The following SAP30BP variants were observed in gnomAD, a reference collection of about 807,000 sequenced individuals.
SAP30BP encodes SAP30-binding protein.
SAP30BP carries 31 observed loss-of-function variants against 46.3 expected under a neutral mutation model. The observed-to-expected ratio is 0.67, with a 90% CI of 0.50 to 0.90. SAP30BP has a LOEUF of 0.90. Among genes scored for constraint, SAP30BP ranks in the 40% least tolerant of loss-of-function variants. SAP30BP has a pLI of 0.00. For missense variants in SAP30BP, 312 were observed against 391.0 expected, an observed-to-expected ratio of 0.80 and a Z score of 1.70; for synonymous variants, 169 against 144.2, an observed-to-expected ratio of 1.17 and a Z score of -1.23.
intron 4 of SAP30BP, among the ~76,000 whole-genome samples, chr17:75,697,904 G>C (rs1291697497): frequency 6.6e-6 from 1 of 152,216 alleles, no homozygotes; most frequent in Non-Finnish European, 1.5e-5. Context: ...CTGGCTGTGC[G>C]AAGCCAGCCG....
At chr17:75,699,281 G>A (rs2060369464) in intron 4 of SAP30BP, among the ~76,000 whole-genome samples, 1 of 152,096 alleles carries the variant, frequency 6.6e-6, no homozygotes, top group Non-Finnish European at 1.5e-5. Context: ...TTGGCTCACT[G>A]CAGCCACCAC....
At chr17:75,699,566 CTTT>C (rs1307107203) in intron 4 of SAP30BP, among the ~76,000 whole-genome samples, 2 of 151,714 alleles carry the variant, frequency 1.3e-5, no homozygotes, top group African/African-American at 4.8e-5. Context: ...TCTGCCTGAA[CTTT>C]TCTTCTCCCA....
intron 3 of SAP30BP, 75 bp from the exon 4 acceptor site, chr17:75,693,365 C>G (rs1417389528): frequency 7.8e-7 from 1 of 1,281,056 alleles, no homozygotes; most frequent in Non-Finnish European, 1.1e-6. Flanking sequence ...CTTAAAAATC[C>G]TGAGTGGTCT....
In SAP30BP at chr17:75,690,836, C is replaced by T. The variant is rs555248379; in HGVS notation, c.265-2604C>T. The T allele has an allele frequency of 5.9e-5, 26 of 442,246 alleles. 1 individual carries two copies. The highest frequency in any genetic ancestry group is 3.7e-4 in the South Asian group (23 of 62,608). The allele number at this position is 442,246 out of a possible 1,614,324, so 27.4% of individuals were successfully genotyped here. On this transcript the variant is annotated intron_variant, in intron 3 of 10. Transcript: ENST00000584667. ...CAGAGCCTTGTAGGTCCCAAGGGTG[C>T]CTATGACACCAATGGGAATCTGAAC...
At chr17:75,697,414 G>C (rs2060339171) in intron 4 of SAP30BP, among the ~76,000 whole-genome samples, 1 of 152,196 alleles carries the variant, frequency 6.6e-6, no homozygotes, top group South Asian at 2.1e-4. Flanking sequence ...GAGGAAGTTA[G>C]AGGAGACTTG....
intron 5 of SAP30BP, 189 bp downstream of exon 5, chr17:75,700,060 T>C (rs1338744547): frequency 2.2e-6 from 1 of 462,794 alleles, no homozygotes; most frequent in African/African-American, 2.0e-5. Flanking sequence ...AGTTGGCTCC[T>C]ACACCCACCG....
At chr17:75,671,931 G>T in intron 3 of SAP30BP, 68 bp downstream of exon 3, 1 of 1,238,064 alleles carries the variant, frequency 8.1e-7, no homozygotes, top group Admixed American at 1.7e-5. Flanking sequence ...GGCTCAGTTC[G>T]TATGTTTGGT....
chr17:75,687,319 G>A (rs540507454), intron 3 of SAP30BP, among the ~76,000 whole-genome samples: 5 of 152,038 alleles, frequency 3.3e-5, no homozygotes, highest in East Asian at 1.9e-4. Flanking sequence ...CCCAGTGTTC[G>A]GAAAGAGGAT....
At chr17:75,674,686 G>GTTTTTTTTTTTTTTTTT (rs1555718004) in intron 3 of SAP30BP, among the ~76,000 whole-genome samples, 1 of 57,016 alleles carries the variant, frequency 1.8e-5, no homozygotes, top group African/African-American at 6.8e-5. Flanking sequence ...AAGTTTTTTT[G>GTTTTTTTTTTTTTTTTT]TTTGTTTTTT....
intron 7 of SAP30BP, 185 bp from the exon 8 acceptor site, chr17:75,703,623 G>C (rs767246161): frequency 4.6e-6 from 3 of 656,686 alleles, no homozygotes; most frequent in Non-Finnish European, 8.2e-6. Context: ...GGGTTCGCTG[G>C]ATGGGGGCTT....
chr17:75,703,902 C>G, intron 8 of SAP30BP, 43 bp downstream of exon 8: 1 of 1,384,382 alleles, frequency 7.2e-7, no homozygotes. Flanking sequence ...TCCGCCCACC[C>G]GACTGTCCCT....
At chr17:75,678,739 A>G (rs973034759) in intron 3 of SAP30BP, among the ~76,000 whole-genome samples, 2 of 152,272 alleles carry the variant, frequency 1.3e-5, no homozygotes, top group African/African-American at 4.8e-5. Flanking sequence ...AGGGGACTCA[A>G]AAGCACATCA....
intron 4 of SAP30BP, among the ~76,000 whole-genome samples, chr17:75,698,203 G>A (rs1170887960): frequency 1.3e-5 from 2 of 152,236 alleles, no homozygotes; most frequent in Admixed American, 6.5e-5. Context: ...CCGGACAGTG[G>A]CAGATCTCTA....
intron 3 of SAP30BP, among the ~76,000 whole-genome samples, chr17:75,689,484 G>A (rs926717668): frequency 6.6e-6 from 1 of 152,114 alleles, no homozygotes; most frequent in Admixed American, 6.6e-5. Context: ...TCCTAGGTGA[G>A]GTGCTTTGTT....
At position 75,707,950 on chromosome 17, in the gene SAP30BP, C is replaced by G. The variant is rs2060522892; in HGVS notation, c.*1429C>G. 6.6e-6 allele frequency: 1 copy of G among 152,216 alleles called. No individual in the cohort carries two copies. The highest frequency in any genetic ancestry group is 2.4e-5 in the African/African-American group (1 of 41,448). The allele number at this position is 152,216 out of a possible 1,614,324, so 9.4% of individuals were successfully genotyped here. On this transcript the variant is annotated 3_prime_UTR_variant, in exon 11 of 11. Transcript: ENST00000584667. ...TTGAGTGGTCTCAAGCCCTTAACCTCTGTAAGCCTGTTTCTTCTCTGAAAT... is the reference window on the plus strand; with the variant it reads ...TTGAGTGGTCTCAAGCCCTTAACCTGTGTAAGCCTGTTTCTTCTCTGAAAT...
At chr17:75,698,534 C>G (rs1051793279) in intron 4 of SAP30BP, among the ~76,000 whole-genome samples, 1 of 151,236 alleles carries the variant, frequency 6.6e-6, no homozygotes, top group East Asian at 1.9e-4. Flanking sequence ...GGTTTACAGA[C>G]ATATGCAGTG....
At chr17:75,685,985 C>T (rs1481867722) in intron 3 of SAP30BP, among the ~76,000 whole-genome samples, 4 of 152,184 alleles carry the variant, frequency 2.6e-5, no homozygotes, top group Admixed American at 2.6e-4. Context: ...TAACAAAAGT[C>T]CCCCTTGGAA....
rs757001487 is a variant in SAP30BP at position 75,702,584 on chromosome 17, T to C, written c.488+13T>C. Reference sequence around the variant, plus strand: ...TTCGGAACCCTAGGTAAGTTTCCCTTGAGCCTGCAGAGTTTATTGAGTTAT... The same window carrying C: ...TTCGGAACCCTAGGTAAGTTTCCCTCGAGCCTGCAGAGTTTATTGAGTTAT... On this transcript the variant is annotated intron_variant, in intron 6 of 10. Coordinates refer to ENST00000584667, the MANE Select transcript of SAP30BP (RefSeq NM_013260.8). 9 of 1,307,976 alleles carry C rather than the reference T, an allele frequency of 6.9e-6. No individual in the cohort carries two copies. Among genetic ancestry groups the C allele is most frequent in the Non-Finnish European group, 8.8e-6 (8 of 904,926 alleles). 81.0% of individuals were successfully genotyped at this position (1,307,976 alleles called of 1,614,324 possible). A position where few individuals can be genotyped will look rare whatever the true frequency, so the allele number is the denominator to read the frequency against.
intron 9 of SAP30BP, 93 bp downstream of exon 9, chr17:75,704,907 A>G (rs948851390): frequency 2.1e-5 from 21 of 990,664 alleles, no homozygotes; most frequent in African/African-American, 8.0e-5. Flanking sequence ...GCTGCCCCCA[A>G]CCCTGGCCCC....
Sources: gnomAD v4.1 joint callset for allele counts (sites outside exome capture counted in the v4.1 genomes callset) on GRCh38, gnomAD v4.1.1 for gene constraint, MANE v1.5 for transcripts, NCBI Gene and HGNC (gene_info 2026-07-23, HGNC 2026-07-21) for gene names.